ETV6: variants seen among roughly 807,000 people sequenced by gnomAD.
ETV6 encodes transcription factor ETV6.
ETV6 carries 16 observed loss-of-function variants against 51.1 expected under a neutral mutation model. The observed-to-expected ratio is 0.31, with a 90% CI of 0.21 to 0.48. The LOEUF (loss-of-function observed/expected upper bound fraction) is 0.48. Ranked by LOEUF, ETV6 falls within the 20% of genes least tolerant of loss-of-function variation. The pLI, the probability that ETV6 is intolerant of heterozygous loss-of-function variation, is 0.99. For synonymous variants in ETV6, 240 were observed against 224.1 expected (o/e 1.07, Z -0.64); for missense variants, 458 against 594.8 (o/e 0.77, Z 2.39).
chr12:11,781,355 G>C (rs1945411329), intron 2 of ETV6, among the ~76,000 whole-genome samples: 1 of 152,128 alleles, frequency 6.6e-6, no homozygotes, highest in Non-Finnish European at 1.5e-5. Flanking sequence ...TTCTTGGATG[G>C]TGCTAGATGT....
intron 2 of ETV6, among the ~76,000 whole-genome samples, chr12:11,765,496 A>G (rs1159715268): frequency 2.0e-5 from 3 of 151,494 alleles, no homozygotes; most frequent in African/African-American, 7.3e-5. Flanking sequence ...TAAATGGAAA[A>G]TTAAAAACTT....
chr12:11,874,544 A>G, intron 5 of ETV6, among the ~76,000 whole-genome samples: 1 of 5,648 alleles, frequency 1.8e-4, no homozygotes, highest in Admixed American at 2.7e-3. Flanking sequence ...GTGCGTGTGT[A>G]CACACATATA....
intron 1 of ETV6, among the ~76,000 whole-genome samples, chr12:11,703,696 C>A (rs1170376224): frequency 2.0e-5 from 3 of 152,198 alleles, no homozygotes; most frequent in Non-Finnish European, 4.4e-5. Flanking sequence ...CCACCAGAGT[C>A]CCTTATAACT....
chr12:11,867,810 T>G (rs1257519606), intron 4 of ETV6, among the ~76,000 whole-genome samples: 2 of 152,228 alleles, frequency 1.3e-5, no homozygotes, highest in African/African-American at 4.8e-5. Context: ...TTGGTGAGAC[T>G]GCCCTGGGAA....
intron 2 of ETV6, among the ~76,000 whole-genome samples, chr12:11,774,254 A>G (rs1002229285): frequency 6.6e-6 from 1 of 152,204 alleles, no homozygotes; most frequent in African/African-American, 2.4e-5. Context: ...CGGTTGAGCA[A>G]TGTTCTTCCT....
intron 2 of ETV6, among the ~76,000 whole-genome samples, chr12:11,789,469 G>C (rs1945548122): frequency 6.6e-6 from 1 of 152,130 alleles, no homozygotes; most frequent in African/African-American, 2.4e-5. Context: ...TTCGGTCTGG[G>C]CTTCAGCTTG....
intron 2 of ETV6, among the ~76,000 whole-genome samples, chr12:11,808,646 T>C (rs770797418): frequency 2.0e-5 from 3 of 152,184 alleles, no homozygotes; most frequent in South Asian, 2.1e-4. Flanking sequence ...GATTTTGGTA[T>C]CTGGGCGGGG....
chr12:11,684,109 A>T (rs35651671), intron 1 of ETV6, among the ~76,000 whole-genome samples: 6,060 of 152,320 alleles, frequency 0.04, 133 homozygotes, highest in Admixed American at 0.062. Context: ...TTGGCCCTGC[A>T]TGTAAGGAAT....
chr12:11,863,463 T>C (rs1017080996), intron 4 of ETV6, among the ~76,000 whole-genome samples: 1 of 152,164 alleles, frequency 6.6e-6, no homozygotes, highest in Non-Finnish European at 1.5e-5. Context: ...CCTTGGTCTT[T>C]CTTCCTCCCT....
chr12:11,707,142 G>C (rs1865086980), intron 1 of ETV6, among the ~76,000 whole-genome samples: 1 of 152,170 alleles, frequency 6.6e-6, no homozygotes, highest in Non-Finnish European at 1.5e-5. Flanking sequence ...AAGTAAACAA[G>C]AGCGCTCAAT....
intron 1 of ETV6, among the ~76,000 whole-genome samples, chr12:11,686,798 G>T (rs752757822): frequency 6.6e-6 from 1 of 152,170 alleles, no homozygotes; most frequent in African/African-American, 2.4e-5. Flanking sequence ...ATTAACAGGC[G>T]TGAGCCACCG....
intron 2 of ETV6, among the ~76,000 whole-genome samples, chr12:11,783,414 A>C (rs1222140355): frequency 6.6e-6 from 1 of 152,158 alleles, no homozygotes; most frequent in Admixed American, 6.5e-5. Flanking sequence ...GGGGAGAGGC[A>C]GGTGGAAACC....
At chr12:11,695,630 A>G (rs1359382048) in intron 1 of ETV6, among the ~76,000 whole-genome samples, 1 of 152,240 alleles carries the variant, frequency 6.6e-6, no homozygotes, top group Non-Finnish European at 1.5e-5. Context: ...TTAGTTCTGC[A>G]ACATGCAGAG....
chr12:11,886,790 C>T (rs927866225), intron 7 of ETV6, among the ~76,000 whole-genome samples: 1 of 152,056 alleles, frequency 6.6e-6, no homozygotes, highest in African/African-American at 2.4e-5. Flanking sequence ...TCTGAAGGAC[C>T]AATCAGGAGA....
chr12:11,845,170 A>G (rs1946444278), intron 3 of ETV6, among the ~76,000 whole-genome samples: 1 of 152,180 alleles, frequency 6.6e-6, no homozygotes, highest in Admixed American at 6.5e-5. Context: ...CATTTGTGAA[A>G]TGGAGGTGGG....
chr12:11,650,945 G>A (rs1046180712), intron 1 of ETV6, among the ~76,000 whole-genome samples: 8 of 152,166 alleles, frequency 5.3e-5, no homozygotes, highest in Non-Finnish European at 1.0e-4. Flanking sequence ...AATGCAGGGC[G>A]GTAGATGTTT....
At chr12:11,868,705 T>C (rs1050951556) in intron 4 of ETV6, among the ~76,000 whole-genome samples, 1 of 152,026 alleles carries the variant, frequency 6.6e-6, no homozygotes, top group Non-Finnish European at 1.5e-5. Flanking sequence ...TACTAATAAC[T>C]CCTAGAGTTA....
At chr12:11,688,563 A>G (rs988807304) in intron 1 of ETV6, among the ~76,000 whole-genome samples, 4 of 152,234 alleles carry the variant, frequency 2.6e-5, no homozygotes, top group Non-Finnish European at 2.9e-5. Flanking sequence ...AGCAGTTCAT[A>G]CGAGGCCTGC....
intron 1 of ETV6, among the ~76,000 whole-genome samples, chr12:11,656,566 G>T (rs1460886940): frequency 6.6e-6 from 1 of 152,244 alleles, no homozygotes; most frequent in Non-Finnish European, 1.5e-5. Flanking sequence ...TGGAATGAAT[G>T]TCTAAGTTTT....
Sources: allele counts gnomAD v4.1 joint callset (sites outside exome capture counted in the v4.1 genomes callset), GRCh38; gene constraint gnomAD v4.1.1; transcripts MANE v1.5; gene names NCBI Gene and HGNC (gene_info 2026-07-23, HGNC 2026-07-21).